The following SKP2 variants were observed in gnomAD, a reference collection of about 807,000 sequenced individuals.
SKP2 encodes S-phase kinase associated protein 2.
SKP2 carries 16 observed loss-of-function variants against 51.8 expected under a neutral mutation model. The observed-to-expected ratio is 0.31, with a 90% confidence interval of 0.21 to 0.47. The LOEUF (loss-of-function observed/expected upper bound fraction) is 0.47. Ranked by LOEUF, SKP2 falls within the 20% of genes least tolerant of loss-of-function variation. The probability of loss-of-function intolerance (pLI) is 1.00; values close to 1 mark genes in which losing one functional copy is unlikely to be tolerated. For missense variants in SKP2, 377 were observed against 505.3 expected (o/e 0.75, Z 2.43); for synonymous variants, 176 against 198.6 (o/e 0.89, Z 0.96).
chr5:36,166,426 T>G (rs1420718065), intron 3 of SKP2, 93 bp from the exon 4 acceptor site: 1 of 1,035,938 alleles, frequency 9.7e-7, no homozygotes, highest in Non-Finnish European at 1.5e-6. Flanking sequence ...CAAGGAGATT[T>G]AGCAGCAGTG....
At chr5:36,184,719 A>G (rs1047509507), downstream of SKP2, among the ~76,000 whole-genome samples, 9 of 152,302 alleles carry the variant, frequency 5.9e-5, no homozygotes, top group African/African-American at 2.2e-4. Flanking sequence ...GTTGCAATAA[A>G]CATACGTTTG....
At chr5:36,192,267 T>C (rs946907937) in intron 6 of SKP2, among the ~76,000 whole-genome samples, 2 of 152,166 alleles carry the variant, frequency 1.3e-5, no homozygotes, top group African/African-American at 4.8e-5. Context: ...ATTGAACTAT[T>C]CTTTAGTTAG....
chr5:36,152,468 T>C (rs1000139652), intron 1 of SKP2, among the ~76,000 whole-genome samples, 198 bp downstream of exon 1: 1 of 152,206 alleles, frequency 6.6e-6, no homozygotes, highest in African/African-American at 2.4e-5. Flanking sequence ...GCTTCCCTAA[T>C]TGGGCTTTTC....
chr5:36,170,249 G>A, intron 5 of SKP2, 95 bp from the exon 6 acceptor site: 1 of 674,218 alleles, frequency 1.5e-6, no homozygotes, highest in Non-Finnish European at 2.6e-6. Context: ...TCAAAGACCT[G>A]TGAGCTTAAC....
At chr5:36,187,932 A>C (rs368963200), downstream of SKP2, among the ~76,000 whole-genome samples, 278 of 152,280 alleles carry the variant, frequency 1.8e-3, 10 homozygotes, top group East Asian at 0.045. Context: ...TATTGGGTGC[A>C]TATATATTTA....
chr5:36,180,164 C>G (rs780739292), intron 9 of SKP2: 1 of 621,306 alleles, frequency 1.6e-6, no homozygotes, highest in Non-Finnish European at 2.8e-6. Flanking sequence ...CTTAAATATT[C>G]TCCAGTGCAG....
rs762404393 is a variant in SKP2, at chr5:36,177,027, A to T, written c.953+11A>T. On this transcript the variant is annotated intron_variant, in intron 8 of 9. Coordinates refer to ENST00000274255, the MANE Select transcript of SKP2 (RefSeq NM_005983.4). ...CCATCTAGACTTAAGGTATTTTTTT[A>T]TTTGTTTATTTTAGATCAAAAGTTG... The T allele has an allele frequency of 6.4e-7, 1 of 1,563,044 alleles. No homozygotes were observed.
At chr5:36,155,121 G>C (rs1744902479) in intron 2 of SKP2, 1 of 152,188 alleles carries the variant, frequency 6.6e-6, no homozygotes, top group Admixed American at 6.5e-5. Context: ...TTGGTTGGTT[G>C]CTCGCTTTGG....
chr5:36,158,298 A>G (rs1745015428), intron 2 of SKP2, among the ~76,000 whole-genome samples: 1 of 152,246 alleles, frequency 6.6e-6, no homozygotes, highest in South Asian at 2.1e-4. Context: ...CAGGAAACAG[A>G]TGGCTAATGT....
intron 3 of SKP2, among the ~76,000 whole-genome samples, chr5:36,165,705 C>G (rs27505): frequency 0.032 from 4,860 of 152,246 alleles, 148 homozygotes; most frequent in African/African-American, 0.073. Context: ...GCCAGTGGTC[C>G]ACTTATTTCA....
intron 6 of SKP2, among the ~76,000 whole-genome samples, chr5:36,170,901 T>A (rs1346285945): frequency 6.6e-6 from 1 of 152,196 alleles, no homozygotes; most frequent in South Asian, 2.1e-4. Flanking sequence ...GTTACAGATA[T>A]TGCTAAGTGA....
intron 8 of SKP2, 32 bp downstream of exon 8, chr5:36,177,048 A>C: frequency 6.6e-7 from 1 of 1,507,764 alleles, no homozygotes; most frequent in Non-Finnish European, 9.1e-7. Context: ...TTAGATCAAA[A>C]GTTGAAAAAT....
At chr5:36,152,714 G>C in intron 1 of SKP2, 57 bp from the exon 2 acceptor site, 1 of 1,564,740 alleles carries the variant, frequency 6.4e-7, no homozygotes, top group Non-Finnish European at 8.7e-7. Context: ...TAATTGCCTT[G>C]AAATTATTTA....
At chr5:36,188,518 G>A (rs563837307), downstream of SKP2, among the ~76,000 whole-genome samples, 14 of 152,226 alleles carry the variant, frequency 9.2e-5, no homozygotes, top group Non-Finnish European at 1.6e-4. Flanking sequence ...TGAAATTCTG[G>A]GTTGAAAATT....
At chr5:36,174,706 T>C (rs1745576807) in intron 7 of SKP2, among the ~76,000 whole-genome samples, 1 of 152,110 alleles carries the variant, frequency 6.6e-6, no homozygotes, top group Non-Finnish European at 1.5e-5. Context: ...AGATAGAATG[T>C]GGCAGAAAGA....
chr5:36,163,566 C>A (rs1032780306), intron 2 of SKP2, 79 bp from the exon 3 acceptor site: 2 of 826,626 alleles, frequency 2.4e-6, no homozygotes, highest in African/African-American at 1.7e-5. Context: ...GTTGTATATT[C>A]TTTATGTGTT....
chr5:36,166,400 C>T, intron 3 of SKP2, 119 bp from the exon 4 acceptor site: 1 of 815,590 alleles, frequency 1.2e-6, no homozygotes, highest in Non-Finnish European at 1.9e-6. Flanking sequence ...AACAAAAGTT[C>T]TTTTAGAATA....
intron 2 of SKP2, among the ~76,000 whole-genome samples, chr5:36,155,496 C>T (rs973662527): frequency 9.9e-5 from 15 of 152,264 alleles, no homozygotes; most frequent in Admixed American, 3.9e-4. Context: ...ATGAGAATGA[C>T]GTAAAACCCT....
At chr5:36,160,475 C>T (rs543362788) in intron 2 of SKP2, among the ~76,000 whole-genome samples, 1 of 152,212 alleles carries the variant, frequency 6.6e-6, no homozygotes, top group Admixed American at 6.5e-5. Flanking sequence ...GTCTGTATCT[C>T]TCAAACTCAG....
Sources: allele counts gnomAD v4.1 joint callset (sites outside exome capture counted in the v4.1 genomes callset), GRCh38; gene constraint gnomAD v4.1.1; transcripts MANE v1.5; gene names NCBI Gene and HGNC (gene_info 2026-07-23, HGNC 2026-07-21).